TARS3: variants seen among roughly 807,000 people sequenced by gnomAD.
TARS3 encodes threonyl-tRNA synthetase 3.
A neutral mutation model predicts 103.5 loss-of-function variants in TARS3; 94 were observed. That is an observed-to-expected ratio of 0.91 (90% confidence interval 0.77 to 1.08). TARS3 has a LOEUF of 1.08. TARS3 is among the 50% of genes least tolerant of loss of function. TARS3 has a pLI of 0.00. For missense variants in TARS3, 952 were observed against 995.2 expected (o/e 0.96, Z 0.58); for synonymous variants, 416 against 355.4 (o/e 1.17, Z -1.92).
chr15:101,686,111 A>T, intron 10 of TARS3, 49 bp from the exon 11 acceptor site: 2 of 1,493,126 alleles, frequency 1.3e-6, no homozygotes, highest in South Asian at 2.6e-5. Flanking sequence ...GCAGATCACA[A>T]TTCCATGCAA....
intron 5 of TARS3, among the ~76,000 whole-genome samples, chr15:101,709,722 C>A (rs1017289137): frequency 2.0e-5 from 3 of 152,218 alleles, no homozygotes; most frequent in African/African-American, 7.2e-5. Context: ...CTGGTTCCTT[C>A]ACTGCTGAAT....
intron 3 of TARS3, 92 bp downstream of exon 3, chr15:101,721,034 G>T (rs1900428099): frequency 9.6e-7 from 1 of 1,043,094 alleles, no homozygotes; most frequent in South Asian, 1.7e-5. Context: ...CGTGAGAATG[G>T]AGTAATATAT....
At chr15:101,679,681 G>T (rs1027297236) in intron 12 of TARS3, among the ~76,000 whole-genome samples, 1 of 152,160 alleles carries the variant, frequency 6.6e-6, no homozygotes, top group Non-Finnish European at 1.5e-5. Flanking sequence ...TTCTTAGCAT[G>T]ATGAGTGATT....
intron 6 of TARS3, among the ~76,000 whole-genome samples, chr15:101,707,705 A>G (rs1465492997): frequency 2.6e-5 from 4 of 151,816 alleles, no homozygotes; most frequent in African/African-American, 9.7e-5. Flanking sequence ...CAGGGCGGGA[A>G]TGGGGAGCTA....
At chr15:101,686,131 A>G in intron 10 of TARS3, 69 bp from the exon 11 acceptor site, 1 of 1,353,988 alleles carries the variant, frequency 7.4e-7, no homozygotes, top group Non-Finnish European at 1.0e-6. Flanking sequence ...AAGTAACACT[A>G]TGAGCAAATA....
At chr15:101,669,685 C>T (rs1897721280) in intron 15 of TARS3, among the ~76,000 whole-genome samples, 2 of 152,162 alleles carry the variant, frequency 1.3e-5, no homozygotes, top group African/African-American at 4.8e-5. Context: ...CAGTTGCCTA[C>T]AGTATTCAGT....
At chr15:101,693,698 T>G (rs1898836896) in intron 10 of TARS3, among the ~76,000 whole-genome samples, 1 of 152,206 alleles carries the variant, frequency 6.6e-6, no homozygotes, top group South Asian at 2.1e-4. Context: ...TATGTTCATA[T>G]GATGGAATAC....
At position 101,685,871 on chromosome 15, in the gene TARS3, G is replaced by C. The variant is rs765576838; in HGVS notation, c.1487+25C>G. The C allele has an allele frequency of 2.5e-6, 4 of 1,598,078 alleles. No homozygotes were observed. In the South Asian group the frequency reaches 4.5e-5, roughly 18 times the overall value. On this transcript the variant is annotated intron_variant, in intron 11 of 18. Coordinates refer to ENST00000335968, the MANE Select transcript of TARS3 (RefSeq NM_152334.3). ...AGCGTGCTATGTGCTCTCATGAAAA[G>C]GTCTGCTTCGCTTTTAATACTCACC... is the stretch of plus-strand genomic sequence containing the variant.
At chr15:101,655,341 C>G (rs1390600197) in intron 18 of TARS3, among the ~76,000 whole-genome samples, 1 of 136,282 alleles carries the variant, frequency 7.3e-6, no homozygotes, top group African/African-American at 2.9e-5. Flanking sequence ...CACACTGACC[C>G]CACCTGGCAC....
chr15:101,708,317 C>G (rs1029633638), intron 6 of TARS3, among the ~76,000 whole-genome samples: 1 of 140,910 alleles, frequency 7.1e-6, no homozygotes, highest in African/African-American at 2.6e-5. Flanking sequence ...TGTATGTTTT[C>G]TCCAATATGT....
Position 101,653,609 on chromosome 15 carries a change from T to A in TARS3, c.*973A>T, listed in dbSNP as rs1897090834. 3 of 152,170 alleles carry A rather than the reference T, an allele frequency of 2.0e-5. No individual in the cohort carries two copies. The highest frequency in any genetic ancestry group is 2.1e-4 in the South Asian group (1 of 4,832). The allele number at this position is 152,170 out of a possible 1,614,324, so 9.4% of individuals were successfully genotyped here. ...ACTACTACACAAGCCTGATATATAT[T>A]GTTTTGTTTGCCAACTGTTTCACTG... On this transcript the variant is annotated 3_prime_UTR_variant, in exon 19 of 19. Coordinates refer to ENST00000335968, the MANE Select transcript of TARS3 (RefSeq NM_152334.3).
rs559839999 is a variant in TARS3 at position 101,688,125 on chromosome 15, C to T, written c.1321-2063G>A. On this transcript the variant is annotated intron_variant, in intron 10 of 18. Transcript: ENST00000335968. ...GGAGATATCTATATATATTATGCTG[C>T]TGTATCTCTCCATATTGTAATATAC... Among the ~76,000 whole-genome samples, 34 of 152,190 alleles carry T rather than the reference C, an allele frequency of 2.2e-4. 1 individual carries two copies. The South Asian group carries it at 6.4e-3, about 29-fold the overall frequency.
At chr15:101,693,264 TG>T (rs550310089) in intron 10 of TARS3, among the ~76,000 whole-genome samples, 16 of 152,000 alleles carry the variant, frequency 1.1e-4, no homozygotes, top group African/African-American at 3.4e-4. Flanking sequence ...GCATGGCTGG[TG>T]GGGGGGCCTC....
chr15:101,686,607 T>C (rs931806568), intron 10 of TARS3, among the ~76,000 whole-genome samples: 12 of 152,210 alleles, frequency 7.9e-5, no homozygotes, highest in Non-Finnish European at 1.3e-4. Context: ...AGAGAGTTTT[T>C]TTCCAAGCAA....
rs75476112 is a variant in TARS3 at position 101,656,660 on chromosome 15, C to T, written c.2260+262G>A. On this transcript the variant is annotated intron_variant, in intron 18 of 18. Transcript: ENST00000335968. ...ATGGGATCATTTTCAGAGTTGTTTT[C>T]GTTGTTTGCTTGCAATATGAACTAT... is the stretch of plus-strand genomic sequence containing the variant. 6.7e-3 allele frequency among the ~76,000 whole-genome samples: 1,020 copies of T among 152,168 alleles called. 13 individuals are homozygous for T. The highest frequency in any genetic ancestry group is 0.023 in the African/African-American group (943 of 41,524).
rs1900656126 is a variant in TARS3, at chr15:101,724,261, A to G, written c.127T>C (p.Cys43Arg). 1.3e-6 allele frequency: 2 copies of G among 1,566,848 alleles called. No homozygotes were observed. Among genetic ancestry groups the G allele is most frequent in the Admixed American group, 1.8e-5 (1 of 55,452 alleles). ...RDEQLNAPYS[C>R]QAEGPCLTRE... ...GTGAGGCACGGCCCCTCCGCCTGGC[A>G]GCTGTAGGGCGCGTTCAGCTGCTCG... Residue 43 changes from cysteine (C) to arginine (R), a missense_variant, in exon 1 of 19, where the codon TGC becomes CGC. By Grantham distance (180) the Cys-to-Arg change is radical. Around this residue, in one of 2 missense-constraint regions of TARS3, gnomAD observed 412 missense variants for 364.2 expected, o/e 1.13. Transcript: ENST00000335968.
rs964643936 is a variant in TARS3, at chr15:101,657,719, C to T, written c.2145+66G>A. 8.1e-6 allele frequency: 9 copies of T among 1,117,864 alleles called. No homozygotes were observed. In the Admixed American group the frequency reaches 2.2e-4, roughly 27 times the overall value. The allele number at this position is 1,117,864 out of a possible 1,614,324, so 69.2% of individuals were successfully genotyped here. A position where few individuals can be genotyped will look rare whatever the true frequency, so the allele number is the denominator to read the frequency against. Reference sequence around the variant, plus strand: ...AATATTTTAAAGCATGAAGGACACTCCAAATCGATGACCTACACAGAATAC... The same window carrying T: ...AATATTTTAAAGCATGAAGGACACTTCAAATCGATGACCTACACAGAATAC... On this transcript the variant is annotated intron_variant, in intron 17 of 18. Transcript: ENST00000335968.
Position 101,654,280 on chromosome 15 carries a change from C to T in TARS3, c.*302G>A, listed in dbSNP as rs988005639. The T allele has an allele frequency of 7.8e-6, 2 of 256,768 alleles. No individual in the cohort carries two copies. Among genetic ancestry groups the T allele is most frequent in the African/African-American group, 2.2e-5 (1 of 45,070 alleles). The allele number at this position is 256,768 out of a possible 1,614,324, so 15.9% of individuals were successfully genotyped here. ...AAGCCCATCTTTTGAAAATCACTAA[C>T]ATTTCATAATCATTTCCTAGTGTTT... On this transcript the variant is annotated 3_prime_UTR_variant, in exon 19 of 19. Transcript: ENST00000335968.
intron 3 of TARS3, among the ~76,000 whole-genome samples, chr15:101,718,541 A>C (rs945169977): frequency 6.6e-6 from 1 of 152,106 alleles, no homozygotes; most frequent in African/African-American, 2.4e-5. Context: ...TGGGAAAGAC[A>C]ATCTTCTTTC....
Sources: allele counts gnomAD v4.1 joint callset (sites outside exome capture counted in the v4.1 genomes callset), GRCh38; gene constraint gnomAD v4.1.1; regional missense constraint gnomAD v4.1.1; transcripts MANE v1.5; gene names NCBI Gene and HGNC (gene_info 2026-07-23, HGNC 2026-07-21).